STRIP1: variants seen among roughly 807,000 people sequenced by gnomAD.
STRIP1 encodes striatin-interacting protein 1.
STRIP1 carries 63 observed loss-of-function variants against 106.2 expected under a neutral mutation model. That is an observed-to-expected ratio of 0.59 (90% CI 0.48 to 0.73). The LOEUF is 0.73. Among genes scored for constraint, STRIP1 ranks in the 30% least tolerant of loss-of-function variants. The pLI, the probability that STRIP1 is intolerant of heterozygous loss-of-function variation, is 0.00. For synonymous variants in STRIP1, 390 were observed against 413.0 expected, an observed-to-expected ratio of 0.94 and a Z score of 0.67; for missense variants, 857 against 1,074.8, an observed-to-expected ratio of 0.80 and a Z score of 2.83.
intron 8 of STRIP1, 66 bp from the exon 9 acceptor site, chr1:110,043,022 C>G: frequency 6.8e-7 from 1 of 1,468,586 alleles, no homozygotes; most frequent in East Asian, 2.4e-5. Flanking sequence ...CTGAGCCTGA[C>G]ACAATGGTCA....
At chr1:110,033,316 G>C (rs1652279839), upstream of STRIP1, among the ~76,000 whole-genome samples, 1 of 151,644 alleles carries the variant, frequency 6.6e-6, no homozygotes, top group Non-Finnish European at 1.5e-5. Context: ...CTCTAGTCAG[G>C]CTCCTGTGAG....
intron 1 of STRIP1, among the ~76,000 whole-genome samples, chr1:110,036,905 C>T (rs1652484092): frequency 6.6e-6 from 1 of 152,256 alleles, no homozygotes; most frequent in East Asian, 1.9e-4. Flanking sequence ...CTCACTGCAA[C>T]CTCCACTTCC....
At chr1:110,046,869 G>A (rs1653048437) in intron 13 of STRIP1, 118 bp downstream of exon 13, 2 of 691,530 alleles carry the variant, frequency 2.9e-6, no homozygotes, top group Non-Finnish European at 4.9e-6. Flanking sequence ...GGCTAACATG[G>A]TGAAACCCCG....
intron 5 of STRIP1, chr1:110,039,925 G>A (rs936922091): frequency 7.7e-7 from 1 of 1,291,898 alleles, no homozygotes; most frequent in African/African-American, 1.5e-5. Context: ...TGTCACCTTT[G>A]TCCAGTGGAC....
chr1:110,034,516 G>A, upstream of STRIP1: 4 of 1,226,492 alleles, frequency 3.3e-6, no homozygotes, highest in Non-Finnish European at 4.3e-6. Context: ...CAGCCAAGAT[G>A]GCTTCTAACA....
chr1:110,034,580 C>G, upstream of STRIP1: 2 of 1,454,008 alleles, frequency 1.4e-6, no homozygotes, highest in Non-Finnish European at 1.8e-6. Context: ...GAAAATCACG[C>G]GAGAGTTGCA....
In STRIP1 at chr1:110,043,740, T is replaced by C; in HGVS notation, c.1170T>C (p.Ser390=). The C allele has an allele frequency of 6.2e-7, 1 of 1,614,112 alleles. No homozygotes were observed. The highest frequency in any genetic ancestry group is 1.7e-5 in the Admixed American group (1 of 60,018). ...EEEEENDDDN[S]LEGETFPLER... is the part of the protein sequence containing the mutation. The stretch of plus-strand genomic sequence containing the variant: ...AAGAGGAGAATGATGATGACAACAG[T>C]CTGGAGGGGGAGACGTTTCCCCTGG... Residue 390 remains serine (S), a synonymous_variant, in exon 10 of 21, where the codon AGT becomes AGC. Transcript: ENST00000369795.
At chr1:110,032,861 G>A (rs1340030736), upstream of STRIP1, among the ~76,000 whole-genome samples, 2 of 152,164 alleles carry the variant, frequency 1.3e-5, no homozygotes, top group African/African-American at 4.8e-5. Context: ...TCCAAAAGCA[G>A]CCAGATTGAA....
intron 5 of STRIP1, 178 bp downstream of exon 5, chr1:110,039,693 G>A: frequency 1.0e-6 from 1 of 987,112 alleles, no homozygotes; most frequent in South Asian, 1.5e-5. Flanking sequence ...GAAGATTAAT[G>A]GAGACTAATG....
chr1:110,053,106 C>G lies in STRIP1; in HGVS notation c.2267-559C>G, dbSNP rs145257343. On this transcript the variant is annotated intron_variant, in intron 20 of 20. Coordinates refer to ENST00000369795, the MANE Select transcript of STRIP1 (RefSeq NM_033088.4). Reference sequence around the variant, plus strand: ...TCCAGGCACAGGGAGTGCTCAGTCCCTGAACATAGCCGTGTGGTTCCCACT... The same window carrying G: ...TCCAGGCACAGGGAGTGCTCAGTCCGTGAACATAGCCGTGTGGTTCCCACT... Among the ~76,000 whole-genome samples, 179 of 152,350 alleles carry G rather than the reference C, an allele frequency of 1.2e-3. 2 individuals carry two copies. The highest frequency in any genetic ancestry group is 2.0e-3 in the Non-Finnish European group (137 of 68,034).
Position 110,051,012 on chromosome 1 carries a change from G to C in STRIP1, c.2013G>C (p.Leu671=). 6.2e-7 allele frequency: 1 copy of C among 1,614,040 alleles called. No individual in the cohort carries two copies. Among genetic ancestry groups the C allele is most frequent in the Non-Finnish European group, 8.5e-7 (1 of 1,179,884 alleles). The change falls in exon 19 of 21, where the codon CTG becomes CTC. Residue 671 remains leucine (L), a synonymous_variant. Transcript: ENST00000369795. Reference sequence around the variant, plus strand: ...GGAACCTCTTTTCTTGTATCAATCTGCTTCGGATCTTGAACAAGCTGACAA... The same window carrying C: ...GGAACCTCTTTTCTTGTATCAATCTCCTTCGGATCTTGAACAAGCTGACAA... ...CWRNLFSCIN[L]LRILNKLTKW... is the part of the protein sequence containing the mutation.
intron 17 of STRIP1, chr1:110,049,931 C>G (rs1333632837): frequency 3.1e-6 from 1 of 323,250 alleles, no homozygotes; most frequent in African/African-American, 2.1e-5. Flanking sequence ...GACTCTTAGC[C>G]CCTGCTGTTG....
intron 9 of STRIP1, 106 bp from the exon 10 acceptor site, chr1:110,043,533 T>C: frequency 9.3e-7 from 1 of 1,070,122 alleles, no homozygotes; most frequent in Non-Finnish European, 1.4e-6. Context: ...TTTTCCACTG[T>C]TCTTGCCTCT....
At chr1:110,046,091 G>A (rs1254798549) in intron 12 of STRIP1, among the ~76,000 whole-genome samples, 1 of 152,176 alleles carries the variant, frequency 6.6e-6, no homozygotes, top group Admixed American at 6.5e-5. Flanking sequence ...TTTGCTTTCA[G>A]TTTTTCTCCT....
In STRIP1 at chr1:110,039,530, G is replaced by A; in HGVS notation, c.581+15G>A. 1 of 1,590,266 alleles carries A rather than the reference G, an allele frequency of 6.3e-7. No individual in the cohort carries two copies. ...ATGGAAATAGAGTGAGCATTTTTGAGAGGCTGAGTAGGGAAGGGGAGGCTG... is the reference window on the plus strand; with the variant it reads ...ATGGAAATAGAGTGAGCATTTTTGAAAGGCTGAGTAGGGAAGGGGAGGCTG... On this transcript the variant is annotated intron_variant, in intron 5 of 20. Transcript: ENST00000369795.
chr1:110,040,428 C>T (rs188603067), intron 5 of STRIP1, among the ~76,000 whole-genome samples: 29 of 152,322 alleles, frequency 1.9e-4, no homozygotes, highest in East Asian at 3.9e-4. Flanking sequence ...GTGATCCACC[C>T]GCCTCGGCCT....
At chr1:110,049,637 C>A in intron 17 of STRIP1, 77 bp downstream of exon 17, 1 of 1,058,500 alleles carries the variant, frequency 9.4e-7, no homozygotes. Context: ...CCCACTGTGT[C>A]CATTTTTCCA....
chr1:110,040,521 G>A (rs1367563469), intron 5 of STRIP1, 114 bp from the exon 6 acceptor site: 3 of 978,156 alleles, frequency 3.1e-6, no homozygotes, highest in African/African-American at 1.6e-5. Flanking sequence ...GTGGCCTCTT[G>A]TGCAGTCCAA....
At chr1:110,041,899 G>A (rs767279135) in intron 8 of STRIP1, 38 bp downstream of exon 8, 8 of 1,602,962 alleles carry the variant, frequency 5.0e-6, no homozygotes, top group Non-Finnish European at 6.8e-6. Flanking sequence ...GGTGCTATGG[G>A]ATGGGCAGTA....
Sources: gnomAD v4.1 joint callset for allele counts (sites outside exome capture counted in the v4.1 genomes callset) on GRCh38, gnomAD v4.1.1 for gene constraint, MANE v1.5 for transcripts, NCBI Gene and HGNC (gene_info 2026-07-23, HGNC 2026-07-21) for gene names.